Variants in CHRM3 observed in about 807,000 individuals in gnomAD.
The protein encoded by CHRM3 is muscarinic acetylcholine receptor M3.
In CHRM3, 11 loss-of-function variants were observed where a neutral mutation model predicts 41.8. That is an observed-to-expected ratio of 0.26 (90% CI 0.17 to 0.44). CHRM3 has a LOEUF of 0.44. CHRM3 is among the 20% of genes least tolerant of loss of function. CHRM3 has a pLI of 1.00. For missense variants in CHRM3, 571 were observed against 745.4 expected (o/e 0.77, Z 2.72); for synonymous variants, 297 against 301.4 (o/e 0.99, Z 0.15).
At chr1:239,407,405 AAT>A (rs143680510) in intron 1 of CHRM3, among the ~76,000 whole-genome samples, 13 of 137,056 alleles carry the variant, frequency 9.5e-5, no homozygotes, top group African/African-American at 2.3e-4. Context: ...AATGACTATA[AAT>A]ATATATATAT....
intron 5 of CHRM3, among the ~76,000 whole-genome samples, chr1:239,825,320 A>G (rs531726306): frequency 1.4e-4 from 21 of 152,188 alleles, no homozygotes; most frequent in South Asian, 4.1e-4. Context: ...CTCAACTTTT[A>G]TGATGATTAT....
chr1:239,551,152 T>TC (rs1388600113), intron 3 of CHRM3, among the ~76,000 whole-genome samples: 1 of 134,892 alleles, frequency 7.4e-6, no homozygotes, highest in East Asian at 2.1e-4. Context: ...TTCTTTTTTT[T>TC]TTTTTTTTTT....
At chr1:239,530,895 G>A (rs1050466448) in intron 2 of CHRM3, among the ~76,000 whole-genome samples, 1 of 152,060 alleles carries the variant, frequency 6.6e-6, no homozygotes, top group African/African-American at 2.4e-5. Context: ...AGGCAGAAAA[G>A]GCAGAAAACA....
Position 239,404,719 on chromosome 1 carries a change from AATATATATATATATATATAT to A in CHRM3, c.-521+17511_-521+17530del, listed in dbSNP as rs67746016. On this transcript the variant is annotated intron_variant, in intron 1 of 6. Coordinates refer to ENST00000676153, the MANE Select transcript of CHRM3 (RefSeq NM_001375978.1). ...CATTAAATGTATCATGCTATATCTAAATATATATATATATATATATATATATATATATATATATGGAAAAT... is the reference window on the plus strand; with the variant it reads ...CATTAAATGTATCATGCTATATCTAAATATATATATATATATATGGAAAAT... 5.2e-3 allele frequency among the ~76,000 whole-genome samples: 511 copies of A among 97,354 alleles called. 11 individuals are homozygous for A. The highest frequency in any genetic ancestry group is 6.5e-3 in the Non-Finnish European group (328 of 50,104). The allele number at this position is 97,354 out of a possible 152,430, so 63.9% of individuals were successfully genotyped here. A position where few individuals can be genotyped will look rare whatever the true frequency, so the allele number is the denominator to read the frequency against.
intron 6 of CHRM3, among the ~76,000 whole-genome samples, chr1:239,894,614 G>A (rs955335136): frequency 1.3e-5 from 2 of 151,714 alleles, no homozygotes; most frequent in Non-Finnish European, 2.9e-5. Context: ...TTTGTTTTTA[G>A]TAGAGACGGG....
At chr1:239,400,040 T>C (rs996539751) in intron 1 of CHRM3, among the ~76,000 whole-genome samples, 5 of 152,154 alleles carry the variant, frequency 3.3e-5, no homozygotes, top group African/African-American at 1.2e-4. Context: ...GCCTCCCAAG[T>C]AGCTGGGATT....
intron 1 of CHRM3, among the ~76,000 whole-genome samples, chr1:239,469,849 ACT>A: frequency 6.6e-6 from 1 of 151,976 alleles, no homozygotes. Context: ...GAGCCACCGC[ACT>A]CTGACAGTCT....
intron 6 of CHRM3, among the ~76,000 whole-genome samples, chr1:239,860,599 G>C (rs1183833452): frequency 6.6e-6 from 1 of 152,142 alleles, no homozygotes; most frequent in African/African-American, 2.4e-5. Context: ...TTATGTTGCA[G>C]ACACACCTTA....
intron 4 of CHRM3, among the ~76,000 whole-genome samples, chr1:239,673,252 G>A (rs1674554325): frequency 6.6e-6 from 1 of 152,110 alleles, no homozygotes; most frequent in African/African-American, 2.4e-5. Context: ...TGGGATGGAG[G>A]GAAGGTGAGA....
intron 4 of CHRM3, among the ~76,000 whole-genome samples, chr1:239,659,443 C>G (rs1226241168): frequency 1.3e-5 from 2 of 152,164 alleles, no homozygotes; most frequent in Non-Finnish European, 2.9e-5. Context: ...ACAGATGCAT[C>G]CCTAGTCTCT....
intron 1 of CHRM3, among the ~76,000 whole-genome samples, chr1:239,411,720 CAAAAAAAA>C (rs1161775399): frequency 4.3e-5 from 2 of 46,724 alleles, no homozygotes; most frequent in African/African-American, 1.6e-4. Flanking sequence ...GCCTCTGTCT[CAAAAAAAA>C]AAAAAAAAAA....
intron 3 of CHRM3, among the ~76,000 whole-genome samples, chr1:239,593,481 T>TTA (rs200553650): frequency 2.3e-5 from 1 of 43,682 alleles, no homozygotes; most frequent in South Asian, 7.4e-4. Context: ...CATTTCTTTT[T>TTA]AAAAAAAAAA....
At chr1:239,440,169 G>C (rs1389064460) in intron 1 of CHRM3, among the ~76,000 whole-genome samples, 1 of 147,142 alleles carries the variant, frequency 6.8e-6, no homozygotes, top group African/African-American at 2.5e-5. Flanking sequence ...CTGTACTCTA[G>C]TCTGGGTGAC....
At chr1:239,729,386 C>G (rs886197354) in intron 5 of CHRM3, among the ~76,000 whole-genome samples, 1 of 151,894 alleles carries the variant, frequency 6.6e-6, no homozygotes, top group Non-Finnish European at 1.5e-5. Context: ...GAACTGCGTA[C>G]TTCTTTCAGG....
At chr1:239,394,255 C>G (rs559835362) in intron 1 of CHRM3, among the ~76,000 whole-genome samples, 2 of 152,290 alleles carry the variant, frequency 1.3e-5, no homozygotes, top group South Asian at 4.1e-4. Flanking sequence ...TCTAAAGACC[C>G]TAGGGGAGAA....
chr1:239,849,599 T>C (rs1674536020), intron 6 of CHRM3, among the ~76,000 whole-genome samples: 1 of 152,170 alleles, frequency 6.6e-6, no homozygotes, highest in Non-Finnish European at 1.5e-5. Flanking sequence ...TATCAAATAT[T>C]TTGACACTTT....
intron 1 of CHRM3, among the ~76,000 whole-genome samples, chr1:239,391,823 C>T (rs1005205321): frequency 6.6e-6 from 1 of 152,164 alleles, no homozygotes; most frequent in Non-Finnish European, 1.5e-5. Context: ...ATTTGATAAA[C>T]AGTAGCTGGC....
At chr1:239,694,272 A>G (rs894949039) in intron 5 of CHRM3, among the ~76,000 whole-genome samples, 4 of 152,220 alleles carry the variant, frequency 2.6e-5, no homozygotes, top group Non-Finnish European at 5.9e-5. Context: ...AGACAATTTC[A>G]CAGTATCTTG....
intron 3 of CHRM3, among the ~76,000 whole-genome samples, chr1:239,546,998 A>G (rs528476914): frequency 6.6e-6 from 1 of 152,326 alleles, no homozygotes; most frequent in South Asian, 2.1e-4. Context: ...ATTCAGTAAT[A>G]TTGAGAAAGA....
Sources: gnomAD v4.1 joint callset for allele counts (sites outside exome capture counted in the v4.1 genomes callset) on GRCh38, gnomAD v4.1.1 for gene constraint, MANE v1.5 for transcripts, NCBI Gene and HGNC (gene_info 2026-07-23, HGNC 2026-07-21) for gene names.